HS6ST3: variants seen among roughly 807,000 people sequenced by gnomAD.
The protein encoded by HS6ST3 is heparan-sulfate 6-O-sulfotransferase 3.
HS6ST3 carries 12 observed loss-of-function variants against 36.7 expected under a neutral mutation model. That is an observed-to-expected ratio of 0.33 (90% CI 0.21 to 0.53). The LOEUF is 0.53. Among genes scored for constraint, HS6ST3 ranks in the 20% least tolerant of loss-of-function variants. HS6ST3 has a pLI of 0.95. For missense variants in HS6ST3, 584 were observed against 640.9 expected, an observed-to-expected ratio of 0.91 and a Z score of 0.96; for synonymous variants, 240 against 257.5, an observed-to-expected ratio of 0.93 and a Z score of 0.65.
chr13:96,487,376 T>C (rs1381636775), intron 1 of HS6ST3, among the ~76,000 whole-genome samples: 1 of 152,138 alleles, frequency 6.6e-6, no homozygotes, highest in Non-Finnish European at 1.5e-5. Context: ...TGGCTTAGGT[T>C]GGTCTGTGTA....
intron 1 of HS6ST3, among the ~76,000 whole-genome samples, chr13:96,733,678 A>G (rs1027779038): frequency 1.3e-5 from 2 of 152,210 alleles, no homozygotes; most frequent in African/African-American, 4.8e-5. Flanking sequence ...TGAAATGGGT[A>G]TAATAATAAA....
intron 1 of HS6ST3, among the ~76,000 whole-genome samples, chr13:96,495,517 T>G (rs1480668489): frequency 1.3e-5 from 2 of 152,014 alleles, no homozygotes; most frequent in African/African-American, 4.8e-5. Context: ...CACTACGGAG[T>G]AAGTGGGGAG....
intron 1 of HS6ST3, among the ~76,000 whole-genome samples, chr13:96,500,186 G>A (rs1235565697): frequency 3.3e-5 from 5 of 152,068 alleles, no homozygotes; most frequent in Admixed American, 6.6e-5. Flanking sequence ...TACAACCTGT[G>A]GTCCTTTGTG....
chr13:96,396,976 G>A (rs1413326148), intron 1 of HS6ST3, among the ~76,000 whole-genome samples: 3 of 152,186 alleles, frequency 2.0e-5, no homozygotes, highest in East Asian at 1.9e-4. Context: ...GCCGAGGTGG[G>A]CAGAGTCACT....
chr13:96,625,078 G>A (rs1166471882), intron 1 of HS6ST3, among the ~76,000 whole-genome samples: 1 of 152,146 alleles, frequency 6.6e-6, no homozygotes, highest in Non-Finnish European at 1.5e-5. Flanking sequence ...CAGTGCACAG[G>A]GAGTAGCAAC....
At chr13:96,298,559 T>TG (rs2054866544) in intron 1 of HS6ST3, among the ~76,000 whole-genome samples, 1 of 152,218 alleles carries the variant, frequency 6.6e-6, no homozygotes, top group African/African-American at 2.4e-5. Flanking sequence ...CTGAATGCCT[T>TG]GCCCTCTTCC....
At chr13:96,292,122 CAT>C (rs763398347) in intron 1 of HS6ST3, among the ~76,000 whole-genome samples, 5 of 151,776 alleles carry the variant, frequency 3.3e-5, no homozygotes, top group Non-Finnish European at 5.9e-5. Flanking sequence ...CATGTGTTAA[CAT>C]GTGTGAGAAT....
At chr13:96,426,843 A>T (rs907549113) in intron 1 of HS6ST3, among the ~76,000 whole-genome samples, 1 of 152,178 alleles carries the variant, frequency 6.6e-6, no homozygotes, top group African/African-American at 2.4e-5. Context: ...TTGGTGATAC[A>T]TGCTTACTCC....
chr13:96,468,663 T>C (rs1301118441), intron 1 of HS6ST3, among the ~76,000 whole-genome samples: 1 of 152,192 alleles, frequency 6.6e-6, no homozygotes, highest in African/African-American at 2.4e-5. Flanking sequence ...AAGAGCAGGA[T>C]GTTATCATCA....
chr13:96,209,593 C>T (rs1449394582), intron 1 of HS6ST3, among the ~76,000 whole-genome samples: 2 of 152,142 alleles, frequency 1.3e-5, no homozygotes, highest in African/African-American at 4.8e-5. Context: ...TAACATTTGG[C>T]TATAGCAGTG....
chr13:96,765,608 CT>C (rs1566448225), intron 1 of HS6ST3, among the ~76,000 whole-genome samples: 4 of 151,840 alleles, frequency 2.6e-5, no homozygotes, highest in Non-Finnish European at 5.9e-5. Context: ...CTCTCTCTCT[CT>C]CTCTCTCTCT....
At chr13:96,679,985 C>T (rs600577) in intron 1 of HS6ST3, among the ~76,000 whole-genome samples, 149,612 of 152,120 alleles carry the variant, frequency 0.98, 73,620 homozygotes, top group East Asian at 1. Context: ...GTGGTAGCAA[C>T]GTGGGGAAGG....
chr13:96,234,863 GATA>G (rs958422159), intron 1 of HS6ST3, among the ~76,000 whole-genome samples: 41 of 152,236 alleles, frequency 2.7e-4, no homozygotes, highest in Non-Finnish European at 5.6e-4. Context: ...AAGACAGTTG[GATA>G]ATATGTTTCA....
intron 1 of HS6ST3, among the ~76,000 whole-genome samples, chr13:96,718,790 G>A (rs1300378134): frequency 6.6e-6 from 1 of 152,106 alleles, no homozygotes; most frequent in Non-Finnish European, 1.5e-5. Context: ...GCTTATATCT[G>A]GTAAATGCCT....
At chr13:96,320,922 G>C (rs1037262934) in intron 1 of HS6ST3, among the ~76,000 whole-genome samples, 2 of 152,212 alleles carry the variant, frequency 1.3e-5, no homozygotes, top group Admixed American at 1.3e-4. Context: ...GCTGGTCCAG[G>C]TCAGCTTGGC....
intron 1 of HS6ST3, among the ~76,000 whole-genome samples, chr13:96,220,937 A>G (rs1370859024): frequency 6.6e-6 from 1 of 152,152 alleles, no homozygotes; most frequent in Non-Finnish European, 1.5e-5. Context: ...TGTTCCATGT[A>G]TTTCCTGCTG....
At chr13:96,122,564 C>A (rs7321902) in intron 1 of HS6ST3, among the ~76,000 whole-genome samples, 2,566 of 152,158 alleles carry the variant, frequency 0.017, 59 homozygotes, top group African/African-American at 0.059. Flanking sequence ...AAGACACACA[C>A]AAAATTAAGA....
At chr13:96,468,481 C>T (rs1005127096) in intron 1 of HS6ST3, among the ~76,000 whole-genome samples, 2 of 30,298 alleles carry the variant, frequency 6.6e-5, no homozygotes, top group East Asian at 2.0e-3. Context: ...CACACATACA[C>T]ACACACACAC....
chr13:96,642,743 A>G (rs1403764164), intron 1 of HS6ST3, among the ~76,000 whole-genome samples: 2 of 151,898 alleles, frequency 1.3e-5, no homozygotes, highest in East Asian at 3.9e-4. Flanking sequence ...TATTCTTTTT[A>G]AAAACAATTC....
Sources: gnomAD v4.1 joint callset for allele counts (sites outside exome capture counted in the v4.1 genomes callset) on GRCh38, gnomAD v4.1.1 for gene constraint, MANE v1.5 for transcripts, NCBI Gene and HGNC (gene_info 2026-07-23, HGNC 2026-07-21) for gene names.